The following RAB38 variants were observed in gnomAD, a reference collection of about 807,000 sequenced individuals.
RAB38 encodes the protein ras-related protein Rab-38.
In RAB38, 15 loss-of-function variants were observed where a neutral mutation model predicts 18.4. That is an observed-to-expected ratio of 0.82 (90% CI 0.55 to 1.26). The LOEUF is 1.26. Among genes scored for constraint, RAB38 ranks in the 50% most tolerant of loss-of-function variants. The pLI, the probability that RAB38 is intolerant of heterozygous loss-of-function variation, is 0.00. For missense variants in RAB38, 294 were observed against 267.4 expected (o/e 1.10, Z -0.69); for synonymous variants, 101 against 104.4 (o/e 0.97, Z 0.20).
chr11:87,929,777 A>T, the RAB38 span, among the ~76,000 whole-genome samples: 1 of 126,696 alleles, frequency 7.9e-6, no homozygotes. Context: ...ATGTGTTCTC[A>T]TTGTTCAATT....
the RAB38 span, among the ~76,000 whole-genome samples, chr11:87,871,999 T>G: frequency 6.6e-6 from 1 of 151,550 alleles, no homozygotes; most frequent in Non-Finnish European, 1.5e-5. Context: ...TATATATACA[T>G]CAAAGAACAG....
chr11:87,835,932 A>G, the RAB38 span, among the ~76,000 whole-genome samples: 1 of 152,214 alleles, frequency 6.6e-6, no homozygotes. Context: ...AATTTTACCC[A>G]TTGACATCCA....
At chr11:88,026,107 G>C in the RAB38 span, among the ~76,000 whole-genome samples, 18 of 152,072 alleles carry the variant, frequency 1.2e-4, no homozygotes, top group East Asian at 3.3e-3. Context: ...TGGGATTACA[G>C]GCACGCACCA....
At chr11:87,971,848 C>T in the RAB38 span, among the ~76,000 whole-genome samples, 1 of 151,962 alleles carries the variant, frequency 6.6e-6, no homozygotes, top group Non-Finnish European at 1.5e-5. Flanking sequence ...GTTGTTTTTG[C>T]TGAATGTAGT....
At chr11:87,977,770 GT>G in the RAB38 span, among the ~76,000 whole-genome samples, 1 of 107,418 alleles carries the variant, frequency 9.3e-6, no homozygotes, top group South Asian at 3.0e-4. Context: ...TTATATTATA[GT>G]TATATATTAT....
At chr11:87,977,334 A>G in the RAB38 span, among the ~76,000 whole-genome samples, 1 of 122,042 alleles carries the variant, frequency 8.2e-6, no homozygotes, top group Non-Finnish European at 1.6e-5. Flanking sequence ...ATACAAGTAT[A>G]TTATAAAATT....
the RAB38 span, among the ~76,000 whole-genome samples, chr11:87,878,093 G>A: frequency 4.7e-5 from 7 of 149,906 alleles, no homozygotes; most frequent in South Asian, 1.5e-3. Context: ...GAAAATGTTG[G>A]TGGGGCTAGG....
the RAB38 span, among the ~76,000 whole-genome samples, chr11:88,086,749 G>T: frequency 6.6e-6 from 1 of 151,832 alleles, no homozygotes; most frequent in African/African-American, 2.4e-5. Flanking sequence ...ATTTCTTTTG[G>T]CCCTTTGATT....
chr11:88,078,930 T>C, the RAB38 span, among the ~76,000 whole-genome samples: 15,808 of 151,868 alleles, frequency 0.1, 874 homozygotes, highest in Middle Eastern at 0.16. Context: ...ATGAATTTCA[T>C]AGTTACATTG....
chr11:87,870,457 C>T, the RAB38 span, among the ~76,000 whole-genome samples: 1 of 150,592 alleles, frequency 6.6e-6, no homozygotes, highest in Non-Finnish European at 1.5e-5. Context: ...TTCTTTTTGT[C>T]AAATAAAAAA....
chr11:88,174,629 A>C (rs1356166237), intron 1 of RAB38, among the ~76,000 whole-genome samples: 1 of 148,106 alleles, frequency 6.8e-6, no homozygotes, highest in Non-Finnish European at 1.5e-5. Flanking sequence ...GCAAAAAAAA[A>C]AAAAAAAAAA....
the RAB38 span, among the ~76,000 whole-genome samples, chr11:87,944,648 A>G: frequency 6.6e-6 from 1 of 152,148 alleles, no homozygotes; most frequent in South Asian, 2.1e-4. Context: ...AAATGCTTCT[A>G]TCTGGATATC....
the RAB38 span, among the ~76,000 whole-genome samples, chr11:87,939,371 C>CACAT: frequency 3.3e-4 from 37 of 113,502 alleles, no homozygotes; most frequent in African/African-American, 1.0e-3. Context: ...GGGTAACACA[C>CACAT]ACATACATAC....
At position 88,113,983 on chromosome 11, in the gene RAB38, G is replaced by A. The variant is rs757348167; in HGVS notation, c.*5C>T. 8.1e-6 allele frequency: 13 copies of A among 1,614,102 alleles called. No individual in the cohort carries two copies. Among genetic ancestry groups the A allele is most frequent in the Admixed American group, 6.7e-5 (4 of 60,022 alleles). On this transcript the variant is annotated 3_prime_UTR_variant, in exon 3 of 3. Coordinates refer to ENST00000243662, the MANE Select transcript of RAB38 (RefSeq NM_022337.3). Reference sequence around the variant, plus strand: ...ATTCCTACCAGACACCAGCAAAGGTGCCTACTAGGATTTGGCACAGCCAGA... The same window carrying A: ...ATTCCTACCAGACACCAGCAAAGGTACCTACTAGGATTTGGCACAGCCAGA...
the RAB38 span, among the ~76,000 whole-genome samples, chr11:87,893,390 A>ATATATATTTTTTT: frequency 6.6e-3 from 619 of 93,878 alleles, 8 homozygotes; most frequent in Admixed American, 9.8e-3. Flanking sequence ...ATATATATAT[A>ATATATATTTTTTT]TTTTTTTTTT....
chr11:87,896,776 C>G, the RAB38 span, among the ~76,000 whole-genome samples: 1 of 151,584 alleles, frequency 6.6e-6, no homozygotes, highest in South Asian at 2.1e-4. Context: ...CCTGGCTGGT[C>G]TTACCTATGA....
chr11:87,920,971 G>A, the RAB38 span, among the ~76,000 whole-genome samples: 1 of 152,124 alleles, frequency 6.6e-6, no homozygotes, highest in South Asian at 2.1e-4. Flanking sequence ...TCTGGTGGCT[G>A]TAAAGTCCAA....
chr11:88,035,258 T>G, the RAB38 span, among the ~76,000 whole-genome samples: 7 of 152,362 alleles, frequency 4.6e-5, no homozygotes, highest in African/African-American at 1.7e-4. Context: ...GAAGTAAATT[T>G]TATTAATCTT....
chr11:87,950,567 T>G, the RAB38 span, among the ~76,000 whole-genome samples: 1 of 152,174 alleles, frequency 6.6e-6, no homozygotes, highest in Non-Finnish European at 1.5e-5. Flanking sequence ...AGGAGCTCTT[T>G]TAAGGCAGGC....
Sources: allele counts gnomAD v4.1 joint callset (sites outside exome capture counted in the v4.1 genomes callset), GRCh38; gene constraint gnomAD v4.1.1; transcripts MANE v1.5; gene names NCBI Gene and HGNC (gene_info 2026-07-23, HGNC 2026-07-21).